The following SLC3A2 variants were observed in gnomAD, a reference collection of about 807,000 sequenced individuals.
The protein encoded by SLC3A2 is amino acid transporter heavy chain SLC3A2.
Under a neutral mutation model 48.5 loss-of-function variants are expected in SLC3A2, and 32 were observed. That is an observed-to-expected ratio of 0.66 (90% CI 0.50 to 0.89). The LOEUF is 0.89. SLC3A2 is among the 40% of genes least tolerant of loss of function. SLC3A2 has a pLI of 0.00. For missense variants in SLC3A2, 587 were observed against 680.7 expected (o/e 0.86, Z 1.53); for synonymous variants, 277 against 288.8 (o/e 0.96, Z 0.41).
At position 62,881,098 on chromosome 11, in the gene SLC3A2, C is replaced by A; in HGVS notation, c.75C>A (p.Asn25Lys). The part of the protein sequence containing the change: ...NELEPEKQPM[N>K]AASGAAMSLA... The stretch of plus-strand genomic sequence containing the variant: ...TAGAGCCCGAGAAGCAGCCGATGAA[C>A]GCGGCGTCTGGGGCGGCCATGTCCC... The change falls in exon 1 of 9, where the codon AAC becomes AAA. Residue 25 changes from asparagine (N) to lysine (K), a missense_variant. Coordinates refer to ENST00000338663, the MANE Select transcript of SLC3A2 (RefSeq NM_001013251.3). This position sits in a 1 kb window ranked among gnomAD's most constrained non-coding sequence, Gnocchi z 4.0. 1 of 1,609,058 alleles carries A rather than the reference C, an allele frequency of 6.2e-7. No homozygotes were observed. Among genetic ancestry groups the A allele is most frequent in the Non-Finnish European group, 8.5e-7 (1 of 1,177,872 alleles).
Position 62,856,474 on chromosome 11 carries a change from A to AGGATCTGATTTTTTCCT in SLC3A2, c.112+94_112+110dup, listed in dbSNP as rs1180128896. On this transcript the variant is annotated intron_variant, in intron 1 of 9. Coordinates refer to the SLC3A2 transcript ENST00000377889. ...AGGACGTAAGTGCTTCACTGAAGAC[A>AGGATCTGATTTTTTCCT]GGATCTGATTTTTTCCTAACTGGTT... is the stretch of plus-strand genomic sequence containing the variant. The AGGATCTGATTTTTTCCT allele has an allele frequency of 6.1e-6, 7 of 1,139,208 alleles. No homozygotes were observed. The Admixed American group carries it at 1.7e-4, about 28-fold the overall frequency. The allele number at this position is 1,139,208 out of a possible 1,614,324, so 70.6% of individuals were successfully genotyped here.
At position 62,857,695 on chromosome 11, in the gene SLC3A2, CAAAAAAAAAAA is replaced by C. The variant is rs56818745; in HGVS notation, c.112+1332_112+1342del. Among the ~76,000 whole-genome samples the C allele has an allele frequency of 9.5e-5, 5 of 52,796 alleles. No individual in the cohort carries two copies. In the East Asian group the frequency reaches 2.3e-3, roughly 24 times the overall value. 34.6% of individuals were successfully genotyped at this position (52,796 alleles called of 152,430 possible). A position where few individuals can be genotyped will look rare whatever the true frequency, so the allele number is the denominator to read the frequency against. ...TGGATGACTGAGATTGACCCTGTCT[CAAAAAAAAAAA>C]AAAAAAAAAAAAAAAAATGTGGGAC... On this transcript the variant is annotated intron_variant, in intron 1 of 9. Transcript: ENST00000377889.
chr11:62,875,185 G>A (rs1565249786), intron 1 of SLC3A2, among the ~76,000 whole-genome samples: 1 of 152,130 alleles, frequency 6.6e-6, no homozygotes, highest in Non-Finnish European at 1.5e-5. Flanking sequence ...TATGGAGGCT[G>A]TTGGACAGAG....
Position 62,885,620 on chromosome 11 carries a change from TG to T in SLC3A2, c.1143+13del. 1 of 1,613,848 alleles carries T rather than the reference TG, an allele frequency of 6.2e-7. No homozygotes were observed. Among genetic ancestry groups the T allele is most frequent in the Non-Finnish European group, 8.5e-7 (1 of 1,179,806 alleles). On this transcript the variant is annotated intron_variant, in intron 7 of 8. Transcript: ENST00000338663. ...CCCTTCCTGGACAGGTACTGCTTGC[TG>T]TCTTTCTGTCACAGGGAGGTTGTTT... is the stretch of plus-strand genomic sequence containing the variant.
At chr11:62,859,917 G>C (rs1182397301) in intron 1 of SLC3A2, among the ~76,000 whole-genome samples, 3 of 152,150 alleles carry the variant, frequency 2.0e-5, no homozygotes, top group African/African-American at 7.2e-5. Flanking sequence ...ATAAGACACA[G>C]AGACAAAGTA....
At chr11:62,856,188 G>A (rs1046170026) in exon 1 of SLC3A2, 61 of 1,102,390 alleles carry the variant, frequency 5.5e-5, no homozygotes, top group Non-Finnish European at 7.4e-5. Flanking sequence ...CTGGACTGAC[G>A]GTCACGACTG....
At chr11:62,869,777 C>A (rs2085491968) in intron 1 of SLC3A2, among the ~76,000 whole-genome samples, 1 of 149,022 alleles carries the variant, frequency 6.7e-6, no homozygotes, top group Non-Finnish European at 1.5e-5. Flanking sequence ...ATGATTTATT[C>A]TTTTGTGTAT....
intron 1 of SLC3A2, among the ~76,000 whole-genome samples, chr11:62,859,292 C>A (rs1356839236): frequency 6.6e-6 from 1 of 152,144 alleles, no homozygotes; most frequent in Non-Finnish European, 1.5e-5. Flanking sequence ...TCTCGCACCG[C>A]CCTTAATCCA....
At chr11:62,863,148 T>C (rs2085419822) in intron 1 of SLC3A2, among the ~76,000 whole-genome samples, 1 of 152,200 alleles carries the variant, frequency 6.6e-6, no homozygotes, top group African/African-American at 2.4e-5. Context: ...CTCGAACCCC[T>C]GACCTTAAGT....
Position 62,881,851 on chromosome 11 carries a change from C to T in SLC3A2, c.425-42C>T. 1.9e-6 allele frequency: 3 copies of T among 1,600,784 alleles called. No homozygotes were observed. Among genetic ancestry groups the T allele is most frequent in the African/African-American group, 1.3e-5 (1 of 74,648 alleles). ...AAGGGAGGGTGGGGAGGTCAGGGGC[C>T]TCTCAGAGGGGCCTCACTTGTTAAC... On this transcript the variant is annotated intron_variant, in intron 1 of 8. Coordinates refer to ENST00000338663, the MANE Select transcript of SLC3A2 (RefSeq NM_001013251.3). This position sits in a 1 kb window ranked among gnomAD's most constrained non-coding sequence, Gnocchi z 4.0.
rs1216408054 is a variant in SLC3A2, at chr11:62,887,955, G to C, written c.1144-180G>C. ...CTATAGGGATGTAACACTACACCCA[G>C]CTAATTTTTAAAAATTTTGTAGTAG... On this transcript the variant is annotated intron_variant, in intron 7 of 8. Transcript: ENST00000338663. 1.1e-4 allele frequency: 62 copies of C among 567,540 alleles called. No homozygotes were observed. The Admixed American group carries it at 1.9e-3, about 17-fold the overall frequency. The allele number at this position is 567,540 out of a possible 1,614,324, so 35.2% of individuals were successfully genotyped here.
At position 62,869,577 on chromosome 11, in the gene SLC3A2, C is replaced by A. The variant is rs372121574; in HGVS notation, c.113-11442C>A. Among the ~76,000 whole-genome samples the A allele has an allele frequency of 9.9e-5, 12 of 121,538 alleles. No homozygotes were observed. In the East Asian group the frequency reaches 1.3e-3, roughly 13 times the overall value. 79.7% of individuals were successfully genotyped at this position (121,538 alleles called of 152,430 possible). A position where few individuals can be genotyped will look rare whatever the true frequency, so the allele number is the denominator to read the frequency against. ...GAATTTCTATTTGGTGATTTTTTTT[C>A]TTGATGATTATTGGTTTTTTTCGTA... On this transcript the variant is annotated intron_variant, in intron 1 of 9. Coordinates refer to the SLC3A2 transcript ENST00000377889.
intron 5 of SLC3A2, 121 bp from the exon 6 acceptor site, chr11:62,885,056 C>T: frequency 9.3e-7 from 1 of 1,072,638 alleles, no homozygotes; most frequent in Non-Finnish European, 1.4e-6. Context: ...GTCTCGAACT[C>T]CTGACCTCAA....
At chr11:62,879,868 C>A, upstream of SLC3A2, among the ~76,000 whole-genome samples, 1 of 152,198 alleles carries the variant, frequency 6.6e-6, no homozygotes, top group East Asian at 1.9e-4. Flanking sequence ...AATCCAAGGA[C>A]CCTGTGGAGG....
intron 1 of SLC3A2, among the ~76,000 whole-genome samples, chr11:62,870,303 T>G (rs533931470): frequency 4.6e-5 from 7 of 151,984 alleles, no homozygotes; most frequent in Admixed American, 6.6e-5. Context: ...TGCCTCAGCC[T>G]CCCAGGTAGA....
chr11:62,883,320 T>C, intron 3 of SLC3A2: 2 of 314,246 alleles, frequency 6.4e-6, no homozygotes. Context: ...GTGAGAATCC[T>C]GTCCTGACTG....
At chr11:62,887,794 C>G in intron 7 of SLC3A2, 1 of 199,620 alleles carries the variant, frequency 5.0e-6, no homozygotes. Context: ...GGACAGTGGG[C>G]CCAGGGCTTT....
exon 1 of SLC3A2, chr11:62,856,309 T>A: frequency 6.2e-7 from 1 of 1,613,620 alleles, no homozygotes; most frequent in Non-Finnish European, 8.5e-7. Context: ...CGCCGTCGTG[T>A]CGATTCCGCG....
intron 1 of SLC3A2, among the ~76,000 whole-genome samples, chr11:62,863,007 T>C (rs957309115): frequency 2.0e-5 from 3 of 152,116 alleles, no homozygotes; most frequent in African/African-American, 4.8e-5. Context: ...CTGCAACCTC[T>C]GCCTCCCAGG....
Sources: allele counts gnomAD v4.1 joint callset (sites outside exome capture counted in the v4.1 genomes callset), GRCh38; gene constraint gnomAD v4.1.1; non-coding constraint Gnocchi (gnomAD v3.1); transcripts MANE v1.5; gene names NCBI Gene and HGNC (gene_info 2026-07-23, HGNC 2026-07-21).